MYT1L: variants seen among roughly 807,000 people sequenced by gnomAD.
MYT1L encodes the protein myelin transcription factor 1-like protein.
A neutral mutation model predicts 126.7 loss-of-function variants in MYT1L; 12 were observed. The observed-to-expected ratio is 0.09, with a 90% confidence interval of 0.06 to 0.15. MYT1L has a LOEUF of 0.15. Among genes scored for constraint, MYT1L ranks in the 10% least tolerant of loss-of-function variants. The pLI, the probability that MYT1L is intolerant of heterozygous loss-of-function variation, is 1.00. For synonymous variants in MYT1L, 541 were observed against 604.2 expected, an observed-to-expected ratio of 0.90 and a Z score of 1.53; for missense variants, 979 against 1,585.2, an observed-to-expected ratio of 0.62 and a Z score of 6.49.
In MYT1L at chr2:1,938,734, A is replaced by G. The variant is rs2056293407; in HGVS notation, c.505+4248T>C. Among the ~76,000 whole-genome samples, 4 of 152,326 alleles carry G rather than the reference A, an allele frequency of 2.6e-5. No individual in the cohort carries two copies. In the South Asian group the frequency reaches 8.3e-4, roughly 32 times the overall value. On this transcript the variant is annotated intron_variant, in intron 9 of 24. Transcript: ENST00000647738. ...GAGTAAAAGAGCTTCTGCCCTACCC[A>G]TCTTATGCAATCAATGTGAAGATCA...
intron 1 of MYT1L, among the ~76,000 whole-genome samples, chr2:2,298,595 A>G (rs2095734952): frequency 5.3e-5 from 8 of 152,208 alleles, no homozygotes; most frequent in Admixed American, 4.6e-4. Flanking sequence ...GATACCTTAG[A>G]TTCTGTTATC....
chr2:2,293,791 C>G (rs1217999225), intron 1 of MYT1L, among the ~76,000 whole-genome samples: 4 of 152,122 alleles, frequency 2.6e-5, no homozygotes, highest in Non-Finnish European at 5.9e-5. Flanking sequence ...CCTCTGGAGT[C>G]AGACGTTTTT....
intron 13 of MYT1L, among the ~76,000 whole-genome samples, chr2:1,907,344 C>T (rs965800729): frequency 3.3e-5 from 5 of 152,060 alleles, no homozygotes; most frequent in African/African-American, 1.2e-4. Context: ...GGTAAGAAAA[C>T]ATTCCAGGAA....
intron 4 of MYT1L, among the ~76,000 whole-genome samples, chr2:2,001,114 C>T (rs994913530): frequency 5.3e-5 from 8 of 152,022 alleles, no homozygotes; most frequent in African/African-American, 1.2e-4. Flanking sequence ...TGTTCATCTC[C>T]GAGAACTTTC....
intron 3 of MYT1L, among the ~76,000 whole-genome samples, chr2:2,102,049 A>G (rs2078156547): frequency 6.6e-6 from 1 of 152,186 alleles, no homozygotes; most frequent in Non-Finnish European, 1.5e-5. Flanking sequence ...ATTATCTCAG[A>G]AACCTTCCTT....
intron 4 of MYT1L, among the ~76,000 whole-genome samples, chr2:2,002,133 G>T (rs2062452535): frequency 6.6e-6 from 1 of 152,066 alleles, no homozygotes; most frequent in African/African-American, 2.4e-5. Flanking sequence ...ATTGACATTA[G>T]TACTGCCTCC....
chr2:2,243,189 C>T (rs2094471110), intron 2 of MYT1L, among the ~76,000 whole-genome samples: 1 of 152,156 alleles, frequency 6.6e-6, no homozygotes, highest in Admixed American at 6.5e-5. Flanking sequence ...TTGAAATTGT[C>T]TTAAGTAAAA....
chr2:2,090,296 C>T (rs1391141169), intron 3 of MYT1L, among the ~76,000 whole-genome samples: 1 of 152,122 alleles, frequency 6.6e-6, no homozygotes, highest in Non-Finnish European at 1.5e-5. Context: ...CACACCAGAC[C>T]ACCACAATAA....
chr2:2,128,181 CTT>C (rs1374942217), intron 3 of MYT1L, among the ~76,000 whole-genome samples: 1 of 152,150 alleles, frequency 6.6e-6, no homozygotes, highest in African/African-American at 2.4e-5. Flanking sequence ...CAGAGTCTCT[CTT>C]TGTTGCCCAG....
chr2:2,051,140 C>T (rs2068781145), intron 4 of MYT1L, among the ~76,000 whole-genome samples: 1 of 152,136 alleles, frequency 6.6e-6, no homozygotes, highest in Non-Finnish European at 1.5e-5. Flanking sequence ...AGTACCCATG[C>T]TCATTTTATA....
At chr2:1,976,367 C>T (rs557477435) in intron 8 of MYT1L, among the ~76,000 whole-genome samples, 11 of 152,270 alleles carry the variant, frequency 7.2e-5, no homozygotes, top group South Asian at 4.1e-4. Context: ...CAGGGCCAGG[C>T]GAGGTGGCTC....
In MYT1L at chr2:2,224,744, G is replaced by T. The variant is rs990837540; in HGVS notation, c.-420-51756C>A. Among the ~76,000 whole-genome samples, 4 of 151,952 alleles carry T rather than the reference G, an allele frequency of 2.6e-5. No homozygotes were observed. The highest frequency in any genetic ancestry group is 6.6e-5 in the Admixed American group (1 of 15,256). On this transcript the variant is annotated intron_variant, in intron 2 of 24. Transcript: ENST00000647738. This position sits in a 1 kb window ranked among gnomAD's most constrained non-coding sequence, Gnocchi z 4.0. ...TGAGACAGGAGAATGACATGAACCCGGGAGGCGGAGCTTGCAGGGAGCTGA... is the reference window on the plus strand; with the variant it reads ...TGAGACAGGAGAATGACATGAACCCTGGAGGCGGAGCTTGCAGGGAGCTGA...
intron 21 of MYT1L, among the ~76,000 whole-genome samples, chr2:1,812,193 C>G (rs2036770165): frequency 1.3e-5 from 2 of 152,166 alleles, no homozygotes; most frequent in African/African-American, 4.8e-5. Context: ...CCCACTGGAC[C>G]TCACACCGCA....
intron 3 of MYT1L, among the ~76,000 whole-genome samples, chr2:2,095,903 G>C (rs1264502255): frequency 6.6e-6 from 1 of 152,154 alleles, no homozygotes; most frequent in African/African-American, 2.4e-5. Flanking sequence ...CAGAGGGGCG[G>C]AGCAGAGCTT....
intron 1 of MYT1L, among the ~76,000 whole-genome samples, chr2:2,314,699 C>A (rs187248916): frequency 1.2e-4 from 18 of 152,216 alleles, no homozygotes; most frequent in Non-Finnish European, 2.5e-4. Flanking sequence ...CTATTTATCA[C>A]AATGTTCTCC....
chr2:2,268,453 A>G (rs2149327348), intron 2 of MYT1L, among the ~76,000 whole-genome samples: 1 of 152,312 alleles, frequency 6.6e-6, no homozygotes, highest in East Asian at 1.9e-4. Flanking sequence ...GTTTTTCCAC[A>G]TTTAGACCAC....
chr2:1,838,939 G>A (rs917496740), intron 21 of MYT1L, among the ~76,000 whole-genome samples: 8 of 152,208 alleles, frequency 5.3e-5, no homozygotes, highest in African/African-American at 1.4e-4. Flanking sequence ...TGGGGCTGAG[G>A]GAGGCTGGGC....
chr2:1,929,651 C>A lies in MYT1L; in HGVS notation c.506-6388G>T, dbSNP rs1448095559. Among the ~76,000 whole-genome samples the A allele has an allele frequency of 6.6e-6, 1 of 152,240 alleles. No individual in the cohort carries two copies. The highest frequency in any genetic ancestry group is 1.5e-5 in the Non-Finnish European group (1 of 68,048). ...TTAACAGAGGTTAAAATTCTCCCAG[C>A]AGAAGCTCCCACTAGTCTTATTCAT... On this transcript the variant is annotated intron_variant, in intron 9 of 24. Coordinates refer to ENST00000647738, the MANE Select transcript of MYT1L (RefSeq NM_001303052.2). This position sits in a 1 kb window ranked among gnomAD's most constrained non-coding sequence, Gnocchi z 4.7.
intron 1 of MYT1L, among the ~76,000 whole-genome samples, chr2:2,310,739 T>C (rs2095953445): frequency 6.6e-6 from 1 of 152,214 alleles, no homozygotes; most frequent in African/African-American, 2.4e-5. Flanking sequence ...CAAACAATTA[T>C]ACAGTTATCT....
Sources: allele counts gnomAD v4.1 joint callset (sites outside exome capture counted in the v4.1 genomes callset), GRCh38; gene constraint gnomAD v4.1.1; non-coding constraint Gnocchi (gnomAD v3.1); transcripts MANE v1.5; gene names NCBI Gene and HGNC (gene_info 2026-07-23, HGNC 2026-07-21).